CGNL1: variants seen among roughly 807,000 people sequenced by gnomAD.
CGNL1 encodes cingulin-like protein 1.
In CGNL1, 132 loss-of-function variants were observed where a neutral mutation model predicts 141.2. The observed-to-expected ratio is 0.93, with a 90% CI of 0.81 to 1.08. CGNL1 has a LOEUF of 1.08. CGNL1 is among the 50% of genes least tolerant of loss of function. CGNL1 has a pLI of 0.00. For synonymous variants in CGNL1, 690 were observed against 622.1 expected (o/e 1.11, Z -1.63); for missense variants, 1,870 against 1,588.6 (o/e 1.18, Z -3.01).
intron 1 of CGNL1, among the ~76,000 whole-genome samples, chr15:57,393,013 T>C (rs550931752): frequency 3.3e-5 from 5 of 152,164 alleles, no homozygotes; most frequent in Non-Finnish European, 5.9e-5. Flanking sequence ...TGTAGTGGTA[T>C]TTTCAAGTCT....
intron 14 of CGNL1, among the ~76,000 whole-genome samples, chr15:57,538,438 AGGGGCTAT>A (rs1363492127): frequency 6.6e-6 from 1 of 152,004 alleles, no homozygotes; most frequent in African/African-American, 2.4e-5. Flanking sequence ...CCATCTTTTA[AGGGGCTAT>A]GGTGGGGGAT....
intron 1 of CGNL1, among the ~76,000 whole-genome samples, chr15:57,383,110 C>G (rs575010910): frequency 2.0e-5 from 3 of 152,038 alleles, no homozygotes; most frequent in South Asian, 2.1e-4. Flanking sequence ...GATTAGCCTC[C>G]GTCCTTGCCC....
chr15:57,400,291 C>G (rs1430400986), intron 1 of CGNL1, among the ~76,000 whole-genome samples: 1 of 152,186 alleles, frequency 6.6e-6, no homozygotes, highest in Non-Finnish European at 1.5e-5. Flanking sequence ...TTGCACCCAG[C>G]CTCTTCTCAT....
At position 57,453,624 on chromosome 15, in the gene CGNL1, C is replaced by G. The variant is rs1478555356; in HGVS notation, c.2055-59C>G. On this transcript the variant is annotated intron_variant, in intron 6 of 18. Transcript: ENST00000281282. The stretch of plus-strand genomic sequence containing the variant: ...AACCCTCTGAAGATCAGAAATCAGA[C>G]TGGATGGAAATAAGCAGAGCCCAGA... 3.8e-6 allele frequency: 6 copies of G among 1,599,070 alleles called. No homozygotes were observed. In the African/African-American group the frequency reaches 8.0e-5, roughly 21 times the overall value.
rs2063094051 is a variant in CGNL1, at chr15:57,435,407, G to T, written c.-15-2578G>T. Reference sequence around the variant, plus strand: ...TAGAAGAAATAGCTGAAATTTGCAGGTTTTTTTGTTTTTTTTTTTTTCCTC... The same window carrying T: ...TAGAAGAAATAGCTGAAATTTGCAGTTTTTTTTGTTTTTTTTTTTTTCCTC... On this transcript the variant is annotated intron_variant, in intron 1 of 18. Transcript: ENST00000281282. Among the ~76,000 whole-genome samples, 3 of 96,920 alleles carry T rather than the reference G, an allele frequency of 3.1e-5. No homozygotes were observed. In the South Asian group the frequency reaches 1.0e-3, roughly 33 times the overall value. 63.6% of individuals were successfully genotyped at this position (96,920 alleles called of 152,430 possible).
chr15:57,459,270 T>G (rs970287210), intron 7 of CGNL1, among the ~76,000 whole-genome samples: 15 of 152,236 alleles, frequency 9.9e-5, no homozygotes, highest in Non-Finnish European at 2.1e-4. Flanking sequence ...TCTGAACAGA[T>G]AAGTGCTCCC....
intron 1 of CGNL1, among the ~76,000 whole-genome samples, chr15:57,412,694 G>C (rs142923439): frequency 0.011 from 1,615 of 152,242 alleles, 12 homozygotes; most frequent in Middle Eastern, 0.02. Context: ...TGTGTCCCTG[G>C]CACATCTACT....
intron 8 of CGNL1, among the ~76,000 whole-genome samples, chr15:57,467,379 G>A (rs781476881): frequency 6.6e-6 from 1 of 152,108 alleles, no homozygotes. Context: ...TTGGGCATGC[G>A]GGCTGAGGAC....
At position 57,405,772 on chromosome 15, in the gene CGNL1, C is replaced by CTCTTTCTT. The variant is rs201323807; in HGVS notation, c.-16+29236_-16+29243dup. 6.3e-3 allele frequency among the ~76,000 whole-genome samples: 777 copies of CTCTTTCTT among 123,432 alleles called. 11 individuals are homozygous for CTCTTTCTT. Among genetic ancestry groups the CTCTTTCTT allele is most frequent in the African/African-American group, 0.024 (713 of 30,070 alleles). 81.0% of individuals were successfully genotyped at this position (123,432 alleles called of 152,430 possible). A position where few individuals can be genotyped will look rare whatever the true frequency, so the allele number is the denominator to read the frequency against. ...CCTTTTTCTTTTTCTTTCTTTCTTTCTCTTTCTTTCTTTCTTTCTTTCTTT... is the reference window on the plus strand; with the variant it reads ...CCTTTTTCTTTTTCTTTCTTTCTTTCTCTTTCTTTCTTTCTTTCTTTCTTTCTTTCTTT... On this transcript the variant is annotated intron_variant, in intron 1 of 18. Transcript: ENST00000281282.
chr15:57,510,043 G>A (rs1185055498), intron 8 of CGNL1, among the ~76,000 whole-genome samples: 1 of 152,174 alleles, frequency 6.6e-6, no homozygotes, highest in Non-Finnish European at 1.5e-5. Flanking sequence ...AGGACTATTA[G>A]AAGATCTCAA....
At chr15:57,378,377 T>TG (rs1567082725) in intron 1 of CGNL1, among the ~76,000 whole-genome samples, 1 of 108,550 alleles carries the variant, frequency 9.2e-6, no homozygotes, top group Non-Finnish European at 1.9e-5. Flanking sequence ...TTTTTTTTTT[T>TG]TTTTTTTTTT....
At chr15:57,502,401 T>C (rs2064038048) in intron 8 of CGNL1, among the ~76,000 whole-genome samples, 1 of 152,170 alleles carries the variant, frequency 6.6e-6, no homozygotes, top group African/African-American at 2.4e-5. Context: ...TGGCTGCTTA[T>C]CTTCCACAGA....
chr15:57,438,347 C>G lies in CGNL1; in HGVS notation c.348C>G (p.Asn116Lys), dbSNP rs371054975. The change falls in exon 2 of 19, where the codon AAC (asparagine) becomes AAG (lysine). Residue 116 changes from asparagine to lysine, a missense_variant. By Grantham distance (94) the Asn-to-Lys change is moderately conservative (BLOSUM62 0). Coordinates refer to ENST00000281282, the MANE Select transcript of CGNL1 (RefSeq NM_032866.5). Reference protein sequence around the residue: ...NPYAQPSPIRNLKQPLLHEGK... With the variant: ...NPYAQPSPIRKLKQPLLHEGK... Reference sequence around the variant, plus strand: ...ACGCCCAGCCTAGCCCAATAAGAAACCTGAAACAGCCCCTGCTCCATGAGG... The same window carrying G: ...ACGCCCAGCCTAGCCCAATAAGAAAGCTGAAACAGCCCCTGCTCCATGAGG... 1 of 1,614,086 alleles carries G rather than the reference C, an allele frequency of 6.2e-7. No homozygotes were observed.
At chr15:57,537,976 G>C (rs2032352979) in intron 14 of CGNL1, among the ~76,000 whole-genome samples, 1 of 152,140 alleles carries the variant, frequency 6.6e-6, no homozygotes. Flanking sequence ...CAGGAGGCTG[G>C]CTCAGCCAAG....
intron 1 of CGNL1, among the ~76,000 whole-genome samples, chr15:57,432,613 T>A (rs546865193): frequency 6.6e-6 from 1 of 152,336 alleles, no homozygotes. Flanking sequence ...TTAGGCTTAG[T>A]CCCCGACGGC....
chr15:57,393,298 C>T (rs960226206), intron 1 of CGNL1, among the ~76,000 whole-genome samples: 5 of 152,286 alleles, frequency 3.3e-5, no homozygotes, highest in African/African-American at 9.6e-5. Context: ...ATGATAATAT[C>T]GTTGAGCTAT....
At chr15:57,411,579 G>T (rs77799361) in intron 1 of CGNL1, among the ~76,000 whole-genome samples, 16,713 of 151,788 alleles carry the variant, frequency 0.11, 1,222 homozygotes, top group Non-Finnish European at 0.16. Context: ...AAGTATCTGG[G>T]ATTACAGGTG....
intron 1 of CGNL1, among the ~76,000 whole-genome samples, chr15:57,428,628 T>G (rs1706364): frequency 6.6e-6 from 1 of 152,082 alleles, no homozygotes; most frequent in Non-Finnish European, 1.5e-5. Context: ...AGGCAGGAGC[T>G]GCCTCCAGTA....
At chr15:57,511,942 C>A (rs1479356652) in intron 8 of CGNL1, among the ~76,000 whole-genome samples, 1 of 152,216 alleles carries the variant, frequency 6.6e-6, no homozygotes, top group African/African-American at 2.4e-5. Context: ...TATGATGGTG[C>A]TTCCTCTCTA....
Sources: gnomAD v4.1 joint callset for allele counts (sites outside exome capture counted in the v4.1 genomes callset) on GRCh38, gnomAD v4.1.1 for gene constraint, MANE v1.5 for transcripts, NCBI Gene and HGNC (gene_info 2026-07-23, HGNC 2026-07-21) for gene names.